LPAR3: variants seen among roughly 807,000 people sequenced by gnomAD.
LPAR3 encodes lysophosphatidic acid receptor 3.
A neutral mutation model predicts 17.8 loss-of-function variants in LPAR3; 7 were observed. The observed-to-expected ratio is 0.39, with a 90% CI of 0.22 to 0.74. LPAR3 has a LOEUF of 0.74. LPAR3 is among the 30% of genes least tolerant of loss of function. LPAR3 has a pLI of 0.40. For synonymous variants in LPAR3, 179 were observed against 179.9 expected (o/e 0.99, Z 0.04); for missense variants, 391 against 453.4 (o/e 0.86, Z 1.25).
chr1:84,877,734 G>A (rs1570903843), intron 1 of LPAR3, among the ~76,000 whole-genome samples: 1 of 152,130 alleles, frequency 6.6e-6, no homozygotes, highest in East Asian at 1.9e-4. Context: ...GGGGTGGGGA[G>A]TCCCCTGACA....
chr1:84,852,051 ATTTT>A (rs11289460), intron 2 of LPAR3, among the ~76,000 whole-genome samples: 6 of 132,660 alleles, frequency 4.5e-5, no homozygotes, highest in Admixed American at 7.5e-5. Context: ...TTGGTGACTA[ATTTT>A]TTTTTTTTTT....
At chr1:84,830,971 T>C (rs1659272245) in intron 2 of LPAR3, among the ~76,000 whole-genome samples, 1 of 152,198 alleles carries the variant, frequency 6.6e-6, no homozygotes, top group Admixed American at 6.5e-5. Flanking sequence ...GACACTATCA[T>C]GAGCACACTG....
intron 1 of LPAR3, among the ~76,000 whole-genome samples, chr1:84,871,869 C>T (rs915328049): frequency 5.9e-5 from 9 of 152,096 alleles, no homozygotes; most frequent in Non-Finnish European, 1.0e-4. Flanking sequence ...AATTCATTTC[C>T]TCAGAGATCC....
chr1:84,841,810 A>T (rs992502158), intron 2 of LPAR3, among the ~76,000 whole-genome samples: 1 of 152,134 alleles, frequency 6.6e-6, no homozygotes, highest in African/African-American at 2.4e-5. Flanking sequence ...GTCTGCTCAT[A>T]AGTCCTTCCC....
intron 2 of LPAR3, among the ~76,000 whole-genome samples, chr1:84,856,108 C>T (rs995317070): frequency 3.3e-5 from 5 of 152,288 alleles, no homozygotes; most frequent in East Asian, 1.9e-4. Context: ...CACCGATTGA[C>T]GGCCTGCCCT....
intron 1 of LPAR3, among the ~76,000 whole-genome samples, chr1:84,879,548 T>G (rs1660325005): frequency 6.6e-6 from 1 of 152,134 alleles, no homozygotes. Flanking sequence ...CCTGGCCTCG[T>G]GATCCACCCA....
Position 84,848,066 on chromosome 1 carries a change from C to A in LPAR3, c.736+17319G>T, listed in dbSNP as rs138601741. ...CCTTAACACCACGTTGAACAGCAGG[C>A]ATGGGCCTTTGTGAGTCTGCCCAGA... On this transcript the variant is annotated intron_variant, in intron 2 of 2. Transcript: ENST00000370611. Among the ~76,000 whole-genome samples, 276 of 152,308 alleles carry A rather than the reference C, an allele frequency of 1.8e-3. 2 individuals are homozygous for A. The highest frequency in any genetic ancestry group is 6.3e-3 in the African/African-American group (263 of 41,570).
At chr1:84,862,556 T>C (rs1290718633) in intron 2 of LPAR3, among the ~76,000 whole-genome samples, 2 of 152,220 alleles carry the variant, frequency 1.3e-5, no homozygotes, top group African/African-American at 4.8e-5. Flanking sequence ...TAAAAACACT[T>C]AGGACAATGC....
chr1:84,866,087 A>G lies in LPAR3; in HGVS notation c.34T>C (p.Phe12Leu), dbSNP rs1660043246. The change falls in exon 2 of 3, where the codon TTT becomes CTT. Residue 12 changes from phenylalanine (F) to leucine (L), a missense_variant. Coordinates refer to ENST00000370611, the MANE Select transcript of LPAR3 (RefSeq NM_012152.3). ...NECHYDKHMD[F>L]FYNRSNTDTV... Reference sequence around the variant, plus strand: ...TCAGTGTTGCTCCTATTATAAAAAAAGTCCATGTGCTTGTCATAGTGACAC... The same window carrying G: ...TCAGTGTTGCTCCTATTATAAAAAAGGTCCATGTGCTTGTCATAGTGACAC... The G allele has an allele frequency of 1.2e-6, 2 of 1,600,900 alleles. No individual in the cohort carries two copies. The highest frequency in any genetic ancestry group is 1.7e-6 in the Non-Finnish European group (2 of 1,175,046).
At chr1:84,870,032 T>C (rs189271522) in intron 1 of LPAR3, among the ~76,000 whole-genome samples, 5 of 152,348 alleles carry the variant, frequency 3.3e-5, no homozygotes, top group East Asian at 1.9e-4. Flanking sequence ...CTACAGATTA[T>C]CATACTGTCT....
chr1:84,853,000 A>G (rs1316176429), intron 2 of LPAR3, among the ~76,000 whole-genome samples: 1 of 152,116 alleles, frequency 6.6e-6, no homozygotes, highest in African/African-American at 2.4e-5. Flanking sequence ...TCGTGCCTAT[A>G]ATCCCAGTAC....
rs58203951 is a variant in LPAR3, at chr1:84,866,125, G to GAGA, written c.-8_-6dup. 1,102,284 of 1,554,654 alleles carry GAGA rather than the reference G, an allele frequency of 0.71. 395,537 individuals carry two copies. The highest frequency in any genetic ancestry group is 0.93 in the African/African-American group (66,837 of 72,040). ...GTCATAGTGACACTCATTCATTGTG[G>GAGA]AGAAGTGAACATCCTAGAAAGAAAT... is the stretch of plus-strand genomic sequence containing the variant. On this transcript the variant is annotated 5_prime_UTR_variant, in exon 2 of 3. Coordinates refer to ENST00000370611, the MANE Select transcript of LPAR3 (RefSeq NM_012152.3).
chr1:84,836,884 C>G (rs1044097815), intron 2 of LPAR3, among the ~76,000 whole-genome samples: 13 of 152,066 alleles, frequency 8.5e-5, no homozygotes, highest in African/African-American at 2.9e-4. Flanking sequence ...GAATTGTACA[C>G]ATTTACTATT....
intron 2 of LPAR3, among the ~76,000 whole-genome samples, chr1:84,817,806 A>G (rs865939768): frequency 1.8e-4 from 27 of 151,870 alleles, no homozygotes; most frequent in Middle Eastern, 3.4e-3. Context: ...CCTGGCCAAA[A>G]AAAAAAAAAA....
intron 2 of LPAR3, among the ~76,000 whole-genome samples, chr1:84,836,020 T>C (rs959842333): frequency 7.2e-6 from 1 of 138,906 alleles, no homozygotes; most frequent in African/African-American, 2.8e-5. Context: ...TTTTTTTTTT[T>C]TTTTTTTTTT....
chr1:84,890,190 G>T (rs1214784231), intron 1 of LPAR3, among the ~76,000 whole-genome samples: 1 of 152,110 alleles, frequency 6.6e-6, no homozygotes, highest in Non-Finnish European at 1.5e-5. Context: ...AGGCCGGAAA[G>T]GGGGAGGCTC....
In LPAR3 at chr1:84,860,142, G is replaced by A. The variant is rs567701968; in HGVS notation, c.736+5243C>T. ...CATTTTGCCTCAGGGCTGCTGAAAC[G>A]GGAACATGATGCCTTGATGCCTTTC... On this transcript the variant is annotated intron_variant, in intron 2 of 2. Coordinates refer to ENST00000370611, the MANE Select transcript of LPAR3 (RefSeq NM_012152.3). Among the ~76,000 whole-genome samples, 10 of 152,256 alleles carry A rather than the reference G, an allele frequency of 6.6e-5. 1 individual carries two copies. The highest frequency in any genetic ancestry group is 3.9e-4 in the Admixed American group (6 of 15,298).
In LPAR3 at chr1:84,813,039, T is replaced by C. The variant is rs1392675317; in HGVS notation, c.*807A>G. 1.3e-5 allele frequency: 2 copies of C among 150,286 alleles called. No individual in the cohort carries two copies. The highest frequency in any genetic ancestry group is 2.5e-5 in the African/African-American group (1 of 40,720). The allele number at this position is 150,286 out of a possible 1,614,324, so 9.3% of individuals were successfully genotyped here. ...GTATCTGAAATACTCCAGGGATCCA[T>C]GTTTCTTTCAATAGTCAGATTAAGC... On this transcript the variant is annotated 3_prime_UTR_variant, in exon 3 of 3. Coordinates refer to ENST00000370611, the MANE Select transcript of LPAR3 (RefSeq NM_012152.3).
In LPAR3 at chr1:84,883,069, G is replaced by A. The variant is rs375533607; in HGVS notation, c.-19+9947C>T. Among the ~76,000 whole-genome samples, 99 of 152,322 alleles carry A rather than the reference G, an allele frequency of 6.5e-4. No individual in the cohort carries two copies. In the South Asian group the frequency reaches 0.01, roughly 16 times the overall value. ...ATTATTGTTATTATCAGTGGGATCT[G>A]AGAAATGGAGCCTCGATTTCCTTTT... On this transcript the variant is annotated intron_variant, in intron 1 of 2. Coordinates refer to ENST00000370611, the MANE Select transcript of LPAR3 (RefSeq NM_012152.3).
Sources: allele counts gnomAD v4.1 joint callset (sites outside exome capture counted in the v4.1 genomes callset), GRCh38; gene constraint gnomAD v4.1.1; transcripts MANE v1.5; gene names NCBI Gene and HGNC (gene_info 2026-07-23, HGNC 2026-07-21).